PLXNA4: variants seen among roughly 807,000 people sequenced by gnomAD.
PLXNA4 encodes the protein plexin A4.
A neutral mutation model predicts 191.8 loss-of-function variants in PLXNA4; 44 were observed. The ratio of observed to expected loss-of-function variants is 0.23; its 90% CI spans 0.18 to 0.29. The LOEUF (loss-of-function observed/expected upper bound fraction) is 0.29. Ranked by LOEUF, PLXNA4 falls within the 10% of genes least tolerant of loss-of-function variation. The probability of loss-of-function intolerance (pLI) is 1.00; values close to 1 mark genes in which losing one functional copy is unlikely to be tolerated. For missense variants in PLXNA4, 1,800 were observed against 2,488.8 expected (o/e 0.72, Z 5.89); for synonymous variants, 1,082 against 1,009.5 (o/e 1.07, Z -1.36).
At chr7:132,325,816 C>A (rs1215783806) in intron 3 of PLXNA4, among the ~76,000 whole-genome samples, 2 of 152,140 alleles carry the variant, frequency 1.3e-5, no homozygotes, top group African/African-American at 4.8e-5. Flanking sequence ...ACACGTAAGC[C>A]CAGTGGGTCA....
intron 29 of PLXNA4, 115 bp from the exon 30 acceptor site, chr7:132,140,926 G>A (rs1795249780): frequency 1.3e-6 from 2 of 1,501,034 alleles, no homozygotes; most frequent in East Asian, 2.3e-5. Context: ...GAACTTAAGA[G>A]CCTTCTCTAT....
intron 3 of PLXNA4, among the ~76,000 whole-genome samples, chr7:132,448,748 C>A (rs996187566): frequency 2.0e-5 from 3 of 152,222 alleles, no homozygotes; most frequent in African/African-American, 2.4e-5. Flanking sequence ...CCTATCATTT[C>A]TCAGAAGCCA....
intron 20 of PLXNA4, among the ~76,000 whole-genome samples, chr7:132,177,178 T>G (rs944595436): frequency 2.1e-5 from 3 of 143,588 alleles, no homozygotes; most frequent in African/African-American, 7.4e-5. Flanking sequence ...CGAGTGAGTG[T>G]ATGTGAGTGT....
chr7:132,490,897 C>CT (rs1476877469), intron 2 of PLXNA4, among the ~76,000 whole-genome samples: 3 of 152,200 alleles, frequency 2.0e-5, no homozygotes, highest in Admixed American at 2.0e-4. Context: ...TGGAATCTCT[C>CT]TTTTTTATAC....
intron 25 of PLXNA4, among the ~76,000 whole-genome samples, chr7:132,157,386 G>T (rs992521468): frequency 6.6e-6 from 1 of 152,286 alleles, no homozygotes; most frequent in African/African-American, 2.4e-5. Context: ...GGCTTCAGGA[G>T]GCTTTGCATC....
chr7:132,473,413 G>T (rs1267715731), intron 3 of PLXNA4, among the ~76,000 whole-genome samples: 1 of 152,178 alleles, frequency 6.6e-6, no homozygotes, highest in African/African-American at 2.4e-5. Flanking sequence ...GTGGCGGCAG[G>T]TCCTTTGCTG....
At chr7:132,235,921 A>G (rs1402462853) in intron 5 of PLXNA4, among the ~76,000 whole-genome samples, 1 of 152,170 alleles carries the variant, frequency 6.6e-6, no homozygotes, top group African/African-American at 2.4e-5. Flanking sequence ...TCAGCTCAGG[A>G]ACAAGGAATA....
intron 4 of PLXNA4, among the ~76,000 whole-genome samples, chr7:132,289,322 C>T (rs553394146): frequency 6.6e-6 from 1 of 152,296 alleles, no homozygotes; most frequent in African/African-American, 2.4e-5. Flanking sequence ...TCCACTTAAT[C>T]CACTTGATTT....
At chr7:132,544,046 A>G (rs1386643146) in intron 1 of PLXNA4, among the ~76,000 whole-genome samples, 1 of 152,240 alleles carries the variant, frequency 6.6e-6, no homozygotes, top group East Asian at 1.9e-4. Flanking sequence ...GAGGGAGAAA[A>G]GTAAAATGAT....
intron 2 of PLXNA4, among the ~76,000 whole-genome samples, chr7:132,495,799 A>G (rs183963295): frequency 6.6e-6 from 1 of 152,316 alleles, no homozygotes; most frequent in African/African-American, 2.4e-5. Flanking sequence ...CTTTAGACCA[A>G]CCTTTTCCCA....
At position 132,307,643 on chromosome 7, in the gene PLXNA4, G is replaced by A. The variant is rs1399887925; in HGVS notation, c.1372-9421C>T. ...GGAAACTGCCCAGCCAGGCCCGCGT[G>A]GCCGGTAGGTGCCCTGTTTCGCCAG... On this transcript the variant is annotated intron_variant, in intron 3 of 31. Transcript: ENST00000321063. Among the ~76,000 whole-genome samples the A allele has an allele frequency of 2.0e-5, 3 of 152,134 alleles. No individual in the cohort carries two copies. In the East Asian group the frequency reaches 5.8e-4, roughly 29 times the overall value.
intron 3 of PLXNA4, among the ~76,000 whole-genome samples, chr7:132,427,525 C>T (rs186267822): frequency 6.6e-6 from 1 of 152,322 alleles, no homozygotes; most frequent in East Asian, 1.9e-4. Flanking sequence ...TGGGGGCCCT[C>T]ACCTCCACCC....
chr7:132,527,727 T>C (rs918985073), intron 1 of PLXNA4, among the ~76,000 whole-genome samples: 1 of 152,024 alleles, frequency 6.6e-6, no homozygotes, highest in East Asian at 1.9e-4. Context: ...ACAGTCATAT[T>C]TGTATTTGCC....
At chr7:132,156,174 ACACACACAGACG>A (rs1562887650) in intron 25 of PLXNA4, among the ~76,000 whole-genome samples, 2 of 150,862 alleles carry the variant, frequency 1.3e-5, no homozygotes, top group African/African-American at 2.5e-5. Context: ...ACACACACAC[ACACACACAGACG>A]CACACACGCA....
chr7:132,606,727 A>G (rs1802931229), intron 2 of PLXNA4, among the ~76,000 whole-genome samples: 1 of 152,238 alleles, frequency 6.6e-6, no homozygotes, highest in Non-Finnish European at 1.5e-5. Context: ...GTAACTCTCT[A>G]GATTCACAGG....
chr7:132,296,486 G>A (rs187200172), intron 4 of PLXNA4, among the ~76,000 whole-genome samples: 1 of 149,918 alleles, frequency 6.7e-6, no homozygotes, highest in Admixed American at 6.6e-5. Flanking sequence ...TGCCCAGGCT[G>A]GCCTTGAACT....
At chr7:132,324,872 C>T (rs1271919341) in intron 3 of PLXNA4, among the ~76,000 whole-genome samples, 1 of 152,100 alleles carries the variant, frequency 6.6e-6, no homozygotes, top group African/African-American at 2.4e-5. Context: ...TTGCAGGTGA[C>T]TGGAAAGGTA....
intron 1 of PLXNA4, among the ~76,000 whole-genome samples, chr7:132,561,504 C>CCTCCTCCTCCTCCTT (rs1474083320): frequency 3.9e-5 from 5 of 129,086 alleles, no homozygotes; most frequent in Non-Finnish European, 4.9e-5. Context: ...TCCTCCCCCA[C>CCTCCTCCTCCTCCTT]CTCCTCCTCC....
At chr7:132,574,058 T>C (rs576071549) in intron 1 of PLXNA4, among the ~76,000 whole-genome samples, 1 of 152,360 alleles carries the variant, frequency 6.6e-6, no homozygotes, top group East Asian at 1.9e-4. Context: ...AATTAATGCC[T>C]GCCTTGTCCT....
Sources: allele counts gnomAD v4.1 joint callset (sites outside exome capture counted in the v4.1 genomes callset), GRCh38; gene constraint gnomAD v4.1.1; transcripts MANE v1.5; gene names NCBI Gene and HGNC (gene_info 2026-07-23, HGNC 2026-07-21).